ST6GAL2: variants seen among roughly 807,000 people sequenced by gnomAD.
ST6GAL2 encodes the protein beta-galactoside alpha-2,6-sialyltransferase 2.
Under a neutral mutation model 37.5 loss-of-function variants are expected in ST6GAL2, and 24 were observed. The ratio of observed to expected loss-of-function variants is 0.64; its 90% confidence interval spans 0.46 to 0.90. ST6GAL2 has a LOEUF of 0.90. Among genes scored for constraint, ST6GAL2 ranks in the 40% least tolerant of loss-of-function variants. ST6GAL2 has a pLI of 0.00. For synonymous variants in ST6GAL2, 306 were observed against 295.1 expected, an observed-to-expected ratio of 1.04 and a Z score of -0.38; for missense variants, 715 against 712.7, an observed-to-expected ratio of 1.00 and a Z score of -0.04.
chr2:106,846,338 T>C (rs1311686513), intron 1 of ST6GAL2, among the ~76,000 whole-genome samples: 2 of 152,206 alleles, frequency 1.3e-5, no homozygotes, highest in East Asian at 3.8e-4. Flanking sequence ...AAATTTTAGA[T>C]TCAGGGGTAC....
chr2:106,860,230 C>T (rs1677742413), intron 1 of ST6GAL2, among the ~76,000 whole-genome samples: 1 of 152,162 alleles, frequency 6.6e-6, no homozygotes, highest in Admixed American at 6.5e-5. Flanking sequence ...TATTTGTTTA[C>T]TGCCTTTCTT....
At chr2:106,827,908 A>G (rs1305463361) in intron 5 of ST6GAL2, among the ~76,000 whole-genome samples, 3 of 152,190 alleles carry the variant, frequency 2.0e-5, no homozygotes, top group Admixed American at 1.3e-4. Context: ...TAACTTGCCC[A>G]AGGTCAGAAA....
In ST6GAL2 at chr2:106,844,051, T is replaced by C. The variant is rs996637807; in HGVS notation, c.-57-17A>G. 1.2e-5 allele frequency: 16 copies of C among 1,299,896 alleles called. No homozygotes were observed. The highest frequency in any genetic ancestry group is 1.3e-5 in the Non-Finnish European group (12 of 947,512). 80.5% of individuals were successfully genotyped at this position (1,299,896 alleles called of 1,614,324 possible). A position where few individuals can be genotyped will look rare whatever the true frequency, so the allele number is the denominator to read the frequency against. On this transcript the variant is annotated splice_polypyrimidine_tract_variant and intron_variant, in intron 1 of 5. Transcript: ENST00000409382. The stretch of plus-strand genomic sequence containing the variant: ...AGAATGAACCTGAAAAACAGCCAGA[T>C]GGCAGTTAGCCAACATGGGGCATCT...
Position 106,843,711 on chromosome 2 carries a change from A to G in ST6GAL2, c.267T>C (p.Phe89=). 1 of 1,613,012 alleles carries G rather than the reference A, an allele frequency of 6.2e-7. No homozygotes were observed. Among genetic ancestry groups the G allele is most frequent in the Non-Finnish European group, 8.5e-7 (1 of 1,179,950 alleles). The part of the protein sequence containing the change: ...ALPRAHPAGS[F]HAGPGDLQKW... ...TCTGCAGGTCTCCAGGCCCCGCATG[A>G]AAGGAACCGGCTGGGTGGGCGCGGG... The change falls in exon 2 of 6, where the codon TTT becomes TTC. Residue 89 remains phenylalanine (F), a synonymous_variant. Coordinates refer to ENST00000409382, the MANE Select transcript of ST6GAL2 (RefSeq NM_001142351.2).
intron 2 of ST6GAL2, among the ~76,000 whole-genome samples, chr2:106,838,801 C>T (rs368085814): frequency 2.6e-5 from 4 of 152,188 alleles, no homozygotes; most frequent in Admixed American, 1.3e-4. Context: ...TTTGTGAGGC[C>T]GAGGCGAGCA....
At chr2:106,875,378 A>T (rs1221546093) in intron 1 of ST6GAL2, among the ~76,000 whole-genome samples, 1 of 152,020 alleles carries the variant, frequency 6.6e-6, no homozygotes, top group Non-Finnish European at 1.5e-5. Flanking sequence ...GGGTTTCGCC[A>T]TGTTGCCCAG....
intron 1 of ST6GAL2, among the ~76,000 whole-genome samples, chr2:106,846,824 G>A (rs770833930): frequency 5.3e-5 from 8 of 152,172 alleles, no homozygotes; most frequent in Non-Finnish European, 1.0e-4. Context: ...TATATATACA[G>A]GTCTGTGGTT....
chr2:106,852,294 G>A (rs1677400003), intron 1 of ST6GAL2, among the ~76,000 whole-genome samples: 1 of 152,194 alleles, frequency 6.6e-6, no homozygotes, highest in Non-Finnish European at 1.5e-5. Flanking sequence ...CAGCCCCCCT[G>A]CAGGCAGTGC....
rs1402105145 is a variant in ST6GAL2 at position 106,803,283 on chromosome 2, G to C, written c.*3395C>G. On this transcript the variant is annotated 3_prime_UTR_variant, in exon 6 of 6. Coordinates refer to ENST00000409382, the MANE Select transcript of ST6GAL2 (RefSeq NM_001142351.2). ...GAGGACCAGACACATGGGAAGTGCT[G>C]TTTCTCGAAGCTCTGCCTTCAGGCA... 1.3e-5 allele frequency: 2 copies of C among 152,200 alleles called. No homozygotes were observed. Among genetic ancestry groups the C allele is most frequent in the African/African-American group, 4.8e-5 (2 of 41,450 alleles). The allele number at this position is 152,200 out of a possible 1,614,324, so 9.4% of individuals were successfully genotyped here.
At position 106,843,647 on chromosome 2, in the gene ST6GAL2, ACT is replaced by A; in HGVS notation, c.329_330del (p.Glu110ValfsTer19). The part of the protein sequence containing the change: ...AQSQDGFEHK[E>X]FFSSQVGRKS... ...TTTCTCCCCACCTGGGATGAAAAAAACTCTTTATGTTCAAACCCATCTTGGGA... is the reference window on the plus strand; with the variant it reads ...TTTCTCCCCACCTGGGATGAAAAAAACTTTATGTTCAAACCCATCTTGGGA... On this transcript the variant is annotated frameshift_variant, in exon 2 of 6. Transcript: ENST00000409382. LOFTEE classifies it high-confidence loss of function. 6.2e-7 allele frequency: 1 copy of A among 1,613,438 alleles called. No individual in the cohort carries two copies. Among genetic ancestry groups the A allele is most frequent in the Non-Finnish European group, 8.5e-7 (1 of 1,179,980 alleles).
intron 1 of ST6GAL2, among the ~76,000 whole-genome samples, chr2:106,875,865 A>C (rs1196470899): frequency 6.6e-6 from 1 of 152,252 alleles, no homozygotes; most frequent in Non-Finnish European, 1.5e-5. Context: ...CCTTGGGCTA[A>C]GAGTCCTATA....
chr2:106,838,881 CA>C (rs1376160354), intron 2 of ST6GAL2, among the ~76,000 whole-genome samples: 1 of 151,904 alleles, frequency 6.6e-6, no homozygotes, highest in Non-Finnish European at 1.5e-5. Context: ...ACTAAAAACA[CA>C]AAAATTAGCC....
chr2:106,804,889 G>C lies in ST6GAL2; in HGVS notation c.*1789C>G, dbSNP rs1675369608. 6.6e-6 allele frequency: 1 copy of C among 150,656 alleles called. No homozygotes were observed. Among genetic ancestry groups the C allele is most frequent in the African/African-American group, 2.4e-5 (1 of 41,030 alleles). 9.3% of individuals were successfully genotyped at this position (150,656 alleles called of 1,614,324 possible). A position where few individuals can be genotyped will look rare whatever the true frequency, so the allele number is the denominator to read the frequency against. On this transcript the variant is annotated 3_prime_UTR_variant, in exon 6 of 6. Transcript: ENST00000409382. ...AGAAAAGAAATTAGAAAGGAACATGGCTTAACCATGTCTATTTAGACATAA... is the reference window on the plus strand; with the variant it reads ...AGAAAAGAAATTAGAAAGGAACATGCCTTAACCATGTCTATTTAGACATAA...
At position 106,843,983 on chromosome 2, in the gene ST6GAL2, G is replaced by A. The variant is rs1450758681; in HGVS notation, c.-6C>T. ...TGCTTCAAGTGTGGTTTCATGGCAG[G>A]TCTCTGCGGTCAGCACCTTGTGTCT... On this transcript the variant is annotated 5_prime_UTR_variant, in exon 2 of 6. Coordinates refer to ENST00000409382, the MANE Select transcript of ST6GAL2 (RefSeq NM_001142351.2). The A allele has an allele frequency of 6.4e-7, 1 of 1,561,722 alleles. No individual in the cohort carries two copies. The highest frequency in any genetic ancestry group is 1.2e-5 in the South Asian group (1 of 86,904).
At chr2:106,864,201 T>A (rs1677927532) in intron 1 of ST6GAL2, among the ~76,000 whole-genome samples, 1 of 152,226 alleles carries the variant, frequency 6.6e-6, no homozygotes, top group Admixed American at 6.5e-5. Context: ...TTGTTACCTC[T>A]ACCAAAACCA....
chr2:106,879,881 CCT>C (rs1678675926), intron 1 of ST6GAL2, among the ~76,000 whole-genome samples: 1 of 146,722 alleles, frequency 6.8e-6, no homozygotes, highest in South Asian at 2.1e-4. Context: ...TACATATAGA[CCT>C]ATATATACAT....
chr2:106,826,241 T>A (rs75329232), intron 5 of ST6GAL2, among the ~76,000 whole-genome samples: 13,874 of 152,170 alleles, frequency 0.091, 876 homozygotes, highest in African/African-American at 0.13. Context: ...AATTGGCTCA[T>A]AGTTCTGCAA....
At chr2:106,870,000 A>G (rs1166014106) in intron 1 of ST6GAL2, among the ~76,000 whole-genome samples, 1 of 152,184 alleles carries the variant, frequency 6.6e-6, no homozygotes, top group Admixed American at 6.5e-5. Context: ...GGTGTGACGG[A>G]CCAACACAAC....
rs558350113 is a variant in ST6GAL2, at chr2:106,878,251, C to A, written c.-58+7842G>T. 3.3e-5 allele frequency among the ~76,000 whole-genome samples: 5 copies of A among 152,298 alleles called. No individual in the cohort carries two copies. In the South Asian group the frequency reaches 8.3e-4, roughly 25 times the overall value. On this transcript the variant is annotated intron_variant, in intron 1 of 5. Coordinates refer to ENST00000409382, the MANE Select transcript of ST6GAL2 (RefSeq NM_001142351.2). Reference sequence around the variant, plus strand: ...GTTGAGGCGGGAGGATCGCTACAGACCAGAAGTTCAAGACCAGCCTGGGCA... The same window carrying A: ...GTTGAGGCGGGAGGATCGCTACAGAACAGAAGTTCAAGACCAGCCTGGGCA...
Sources: gnomAD v4.1 joint callset for allele counts (sites outside exome capture counted in the v4.1 genomes callset) on GRCh38, gnomAD v4.1.1 for gene constraint, MANE v1.5 for transcripts, NCBI Gene and HGNC (gene_info 2026-07-23, HGNC 2026-07-21) for gene names.